Variants in RCOR1 observed in about 807,000 individuals in gnomAD.
RCOR1 encodes the protein REST corepressor.
Under a neutral mutation model 64.0 loss-of-function variants are expected in RCOR1, and 12 were observed. The observed-to-expected ratio is 0.19, with a 90% CI of 0.12 to 0.30. The LOEUF is 0.30. Among genes scored for constraint, RCOR1 ranks in the 10% least tolerant of loss-of-function variants. The pLI is 1.00. For missense variants in RCOR1, 502 were observed against 621.2 expected (o/e 0.81, Z 2.04); for synonymous variants, 279 against 227.2 (o/e 1.23, Z -2.05).
intron 3 of RCOR1, among the ~76,000 whole-genome samples, chr14:102,684,468 C>T (rs1487223017): frequency 1.3e-5 from 2 of 151,960 alleles, no homozygotes; most frequent in South Asian, 2.1e-4. Flanking sequence ...CGAGTAAACA[C>T]GGAGCACTGA....
intron 2 of RCOR1, among the ~76,000 whole-genome samples, chr14:102,631,944 A>C (rs1160227363): frequency 6.6e-6 from 1 of 151,406 alleles, no homozygotes; most frequent in Non-Finnish European, 1.5e-5. Flanking sequence ...GGGACTACAG[A>C]CTACAAGCGT....
At chr14:102,662,595 T>A in intron 2 of RCOR1, 1 of 443,980 alleles carries the variant, frequency 2.3e-6, no homozygotes, top group South Asian at 1.8e-5. Flanking sequence ...GTGTGGATCT[T>A]TTTTTTTTCC....
chr14:102,593,539 C>T (rs1346942277), intron 2 of RCOR1, among the ~76,000 whole-genome samples: 1 of 152,214 alleles, frequency 6.6e-6, no homozygotes, highest in African/African-American at 2.4e-5. Context: ...AGGTCGCCCC[C>T]AGCAGGGCCG....
intron 2 of RCOR1, among the ~76,000 whole-genome samples, chr14:102,660,353 CTTTTT>C (rs36033972): frequency 3.4e-5 from 5 of 148,412 alleles, no homozygotes; most frequent in Non-Finnish European, 6.0e-5. Flanking sequence ...TTGGGTAAAA[CTTTTT>C]TTTTTTTCAT....
Position 102,688,581 on chromosome 14 carries a change from C to A in RCOR1, c.445+6603C>A, listed in dbSNP as rs551149991. 7.2e-5 allele frequency among the ~76,000 whole-genome samples: 11 copies of A among 152,216 alleles called. No individual in the cohort carries two copies. In the East Asian group the frequency reaches 2.1e-3, roughly 29 times the overall value. On this transcript the variant is annotated intron_variant, in intron 3 of 11. Transcript: ENST00000262241. ...TAACCGGGTCAGTGCTGTTAAAAGG[C>A]GGCATGATGGAAATTCAGGAAGTCA...
At chr14:102,602,941 A>G (rs1419603398) in intron 2 of RCOR1, among the ~76,000 whole-genome samples, 2 of 152,140 alleles carry the variant, frequency 1.3e-5, no homozygotes, top group East Asian at 3.9e-4. Context: ...CCTGGGCTCA[A>G]CCAGTCCTTC....
At position 102,729,053 on chromosome 14, in the gene RCOR1, GTTCAC is replaced by G. The variant is rs1168710883; in HGVS notation, c.*2550_*2554del. ...GTGTGATAACTGCTTCAGATGGAAT[GTTCAC>G]TTAAGCTTTGTCTTCTTAAAAATTA... On this transcript the variant is annotated 3_prime_UTR_variant, in exon 12 of 12. Coordinates refer to ENST00000262241, the MANE Select transcript of RCOR1 (RefSeq NM_015156.4). The G allele has an allele frequency of 6.6e-6, 1 of 152,574 alleles. No individual in the cohort carries two copies. Among genetic ancestry groups the G allele is most frequent in the Non-Finnish European group, 1.5e-5 (1 of 68,044 alleles). 9.5% of individuals were successfully genotyped at this position (152,574 alleles called of 1,614,324 possible). A position where few individuals can be genotyped will look rare whatever the true frequency, so the allele number is the denominator to read the frequency against.
At chr14:102,593,517 C>G (rs1314417339) in intron 2 of RCOR1, among the ~76,000 whole-genome samples, 192 bp downstream of exon 2, 2 of 152,330 alleles carry the variant, frequency 1.3e-5, no homozygotes, top group East Asian at 3.9e-4. Context: ...GCCTCTGCAC[C>G]CGGGGGAGGC....
intron 2 of RCOR1, among the ~76,000 whole-genome samples, chr14:102,641,153 G>C (rs541850946): frequency 6.6e-6 from 1 of 152,056 alleles, no homozygotes; most frequent in Non-Finnish European, 1.5e-5. Context: ...TACTTGGAAG[G>C]CTGAGGCAAG....
chr14:102,634,663 T>C (rs548441948), intron 2 of RCOR1, among the ~76,000 whole-genome samples: 98 of 150,394 alleles, frequency 6.5e-4, no homozygotes, highest in African/African-American at 1.2e-3. Flanking sequence ...TATATATATA[T>C]ACACACACAC....
At chr14:102,619,771 G>C (rs369076043) in intron 2 of RCOR1, among the ~76,000 whole-genome samples, 4 of 152,158 alleles carry the variant, frequency 2.6e-5, no homozygotes, top group East Asian at 3.9e-4. Context: ...GTGAGCCACT[G>C]TGCCTGGCCT....
intron 7 of RCOR1, 107 bp from the exon 8 acceptor site, chr14:102,714,316 G>T (rs1487185426): frequency 1.5e-6 from 1 of 666,356 alleles, no homozygotes; most frequent in Non-Finnish European, 2.5e-6. Flanking sequence ...ATAGGGCATG[G>T]TATTTGTCTT....
chr14:102,694,806 C>T (rs1310867611), intron 3 of RCOR1, among the ~76,000 whole-genome samples: 6 of 152,140 alleles, frequency 3.9e-5, no homozygotes, highest in East Asian at 1.9e-4. Context: ...TAACTCATTT[C>T]TTATTTTAAT....
chr14:102,613,187 C>T (rs576666557), intron 2 of RCOR1, among the ~76,000 whole-genome samples: 8 of 152,050 alleles, frequency 5.3e-5, no homozygotes, highest in South Asian at 2.1e-4. Flanking sequence ...TTGCAACCTT[C>T]GCCTCCCGGG....
At chr14:102,664,758 TTATAA>T (rs1365273218) in intron 2 of RCOR1, among the ~76,000 whole-genome samples, 1 of 152,238 alleles carries the variant, frequency 6.6e-6, no homozygotes, top group African/African-American at 2.4e-5. Flanking sequence ...TATGAAGTAC[TTATAA>T]TATGCTAGAC....
At chr14:102,658,086 T>C (rs1004440107) in intron 2 of RCOR1, 11 of 305,354 alleles carry the variant, frequency 3.6e-5, no homozygotes, top group Non-Finnish European at 4.8e-5. Flanking sequence ...GTGATTCTCC[T>C]GCCTCAGCCT....
intron 3 of RCOR1, among the ~76,000 whole-genome samples, chr14:102,690,089 G>A (rs952225622): frequency 3.9e-5 from 6 of 151,946 alleles, no homozygotes; most frequent in Non-Finnish European, 7.4e-5. Flanking sequence ...GAAAAAAATT[G>A]CATGTAACAT....
Position 102,632,664 on chromosome 14 carries a change from CTTTCCTTTCCTTTCCT to C in RCOR1, c.361+39348_361+39363del, listed in dbSNP as rs1479770362. ...CTTTCCTTTCCTTTCCTTTCCTTTCCTTTCCTTTCCTTTCCTTTTCCTTTTCCTTTTCCTTTCCTTT... is the reference window on the plus strand; with the variant it reads ...CTTTCCTTTCCTTTCCTTTCCTTTCCTTTCCTTTTCCTTTTCCTTTCCTTT... On this transcript the variant is annotated intron_variant, in intron 2 of 11. Coordinates refer to ENST00000262241, the MANE Select transcript of RCOR1 (RefSeq NM_015156.4). Among the ~76,000 whole-genome samples the C allele has an allele frequency of 4.7e-3, 283 of 59,648 alleles. 1 individual carries two copies. The highest frequency in any genetic ancestry group is 5.8e-3 in the African/African-American group (113 of 19,492). 39.1% of individuals were successfully genotyped at this position (59,648 alleles called of 152,430 possible). A position where few individuals can be genotyped will look rare whatever the true frequency, so the allele number is the denominator to read the frequency against.
intron 2 of RCOR1, among the ~76,000 whole-genome samples, chr14:102,628,249 A>T (rs114194303): frequency 3.3e-4 from 50 of 152,282 alleles, no homozygotes; most frequent in African/African-American, 1.2e-3. Context: ...CACGGATTCA[A>T]ATGTTCATTT....
Sources: allele counts gnomAD v4.1 joint callset (sites outside exome capture counted in the v4.1 genomes callset), GRCh38; gene constraint gnomAD v4.1.1; transcripts MANE v1.5; gene names NCBI Gene and HGNC (gene_info 2026-07-23, HGNC 2026-07-21).